The following SNAP25 variants were observed in gnomAD, a reference collection of about 807,000 sequenced individuals.
SNAP25 encodes synaptosome associated protein 25.
A neutral mutation model predicts 28.7 loss-of-function variants in SNAP25; 3 were observed. The observed-to-expected ratio is 0.10, with a 90% CI of 0.05 to 0.27. The LOEUF (loss-of-function observed/expected upper bound fraction) is 0.27, where lower values mean the gene tolerates loss of function less well. Among genes scored for constraint, SNAP25 ranks in the 10% least tolerant of loss-of-function variants. The pLI is 1.00. For missense variants in SNAP25, 117 were observed against 278.7 expected, an observed-to-expected ratio of 0.42 and a Z score of 4.13; for synonymous variants, 61 against 88.1, an observed-to-expected ratio of 0.69 and a Z score of 1.72.
chr20:10,235,360 T>C (rs1301923353), intron 1 of SNAP25, among the ~76,000 whole-genome samples: 1 of 152,256 alleles, frequency 6.6e-6, no homozygotes, highest in Non-Finnish European at 1.5e-5. Context: ...TGTTTTTTAA[T>C]TAAAGCATTA....
At chr20:10,263,609 A>G (rs565052878) in intron 1 of SNAP25, among the ~76,000 whole-genome samples, 13 of 152,246 alleles carry the variant, frequency 8.5e-5, no homozygotes, top group African/African-American at 2.9e-4. Flanking sequence ...GTATAACAAG[A>G]CTTTCTTTTA....
intron 1 of SNAP25, among the ~76,000 whole-genome samples, chr20:10,261,518 G>A (rs903419934): frequency 1.3e-5 from 2 of 152,128 alleles, no homozygotes; most frequent in African/African-American, 4.8e-5. Flanking sequence ...CCCCAGCATA[G>A]CACATATACC....
At chr20:10,262,018 C>T (rs1396246437) in intron 1 of SNAP25, among the ~76,000 whole-genome samples, 4 of 152,194 alleles carry the variant, frequency 2.6e-5, no homozygotes, top group Non-Finnish European at 5.9e-5. Flanking sequence ...AAATACCATA[C>T]AGCTCATGTG....
chr20:10,233,843 G>T (rs538490412), intron 1 of SNAP25, among the ~76,000 whole-genome samples: 1 of 152,058 alleles, frequency 6.6e-6, no homozygotes. Flanking sequence ...GTTTGCCTGC[G>T]TGTAGCTTTT....
intron 1 of SNAP25, among the ~76,000 whole-genome samples, chr20:10,274,838 G>T (rs1206159297): frequency 1.3e-5 from 2 of 151,926 alleles, no homozygotes; most frequent in Non-Finnish European, 2.9e-5. Flanking sequence ...GCGAGACTCT[G>T]TCTCAAAAAA....
intron 1 of SNAP25, among the ~76,000 whole-genome samples, chr20:10,237,900 C>G (rs1227802239): frequency 6.6e-6 from 1 of 152,136 alleles, no homozygotes; most frequent in East Asian, 1.9e-4. Context: ...ATGTCCAGCC[C>G]CCATACCACC....
At chr20:10,292,121 C>T (rs2064010856) in intron 4 of SNAP25, among the ~76,000 whole-genome samples, 1 of 152,170 alleles carries the variant, frequency 6.6e-6, no homozygotes, top group African/African-American at 2.4e-5. Flanking sequence ...ATTCTCCCTG[C>T]TCTCTGCCTG....
intron 7 of SNAP25, among the ~76,000 whole-genome samples, chr20:10,304,868 T>G (rs2064318945): frequency 6.6e-6 from 1 of 152,162 alleles, no homozygotes; most frequent in African/African-American, 2.4e-5. Flanking sequence ...ACAGAGCATT[T>G]TAAACGGATG....
At chr20:10,278,261 A>G (rs1207474985) in intron 3 of SNAP25, among the ~76,000 whole-genome samples, 2 of 152,238 alleles carry the variant, frequency 1.3e-5, no homozygotes, top group African/African-American at 4.8e-5. Context: ...GGGAAATATC[A>G]AGTCCAATAA....
intron 1 of SNAP25, among the ~76,000 whole-genome samples, chr20:10,234,731 C>T (rs963034339): frequency 6.6e-6 from 1 of 152,166 alleles, no homozygotes; most frequent in Non-Finnish European, 1.5e-5. Flanking sequence ...CACGATTAGA[C>T]ATATAAATTG....
intron 4 of SNAP25, among the ~76,000 whole-genome samples, chr20:10,292,473 A>G (rs2064019519): frequency 6.6e-6 from 1 of 152,202 alleles, no homozygotes; most frequent in Non-Finnish European, 1.5e-5. Flanking sequence ...GAGGATGCTT[A>G]AAAACCAAAA....
intron 1 of SNAP25, among the ~76,000 whole-genome samples, chr20:10,254,335 AG>A (rs1289784816): frequency 5.9e-5 from 9 of 152,206 alleles, no homozygotes; most frequent in Admixed American, 5.9e-4. Context: ...TTAAGACTCC[AG>A]AGCTCCATGG....
intron 4 of SNAP25, among the ~76,000 whole-genome samples, chr20:10,286,266 G>A (rs1172153186): frequency 6.6e-6 from 1 of 152,108 alleles, no homozygotes; most frequent in Non-Finnish European, 1.5e-5. Flanking sequence ...GGAGCAAGAA[G>A]GGACTGGAGG....
At chr20:10,281,631 C>T (rs2063779618) in intron 3 of SNAP25, among the ~76,000 whole-genome samples, 1 of 152,186 alleles carries the variant, frequency 6.6e-6, no homozygotes, top group Admixed American at 6.5e-5. Flanking sequence ...GAAGTTAAAA[C>T]CCAGGTCTAC....
intron 3 of SNAP25, among the ~76,000 whole-genome samples, chr20:10,282,411 G>A (rs760432976): frequency 6.6e-5 from 10 of 152,248 alleles, no homozygotes; most frequent in South Asian, 2.1e-4. Flanking sequence ...CCCAGTGTTC[G>A]TGACTCCCAC....
chr20:10,292,502 T>C (rs1020680457), intron 4 of SNAP25, among the ~76,000 whole-genome samples: 7 of 152,184 alleles, frequency 4.6e-5, no homozygotes, highest in Non-Finnish European at 7.3e-5. Flanking sequence ...TATTTTAAAG[T>C]TGAAGCAGAT....
At chr20:10,228,337 C>T (rs2062768342) in intron 1 of SNAP25, among the ~76,000 whole-genome samples, 1 of 152,136 alleles carries the variant, frequency 6.6e-6, no homozygotes, top group Admixed American at 6.5e-5. Context: ...TCTCTGACTG[C>T]AAAGTCCATG....
chr20:10,298,256 G>A (rs939398503), intron 6 of SNAP25, among the ~76,000 whole-genome samples: 1 of 152,274 alleles, frequency 6.6e-6, no homozygotes, highest in East Asian at 1.9e-4. Context: ...TGAACTAGAA[G>A]TATCTCTTAG....
chr20:10,252,621 T>C (rs2063250987), intron 1 of SNAP25, among the ~76,000 whole-genome samples: 1 of 152,220 alleles, frequency 6.6e-6, no homozygotes, highest in Admixed American at 6.5e-5. Context: ...GCATTCGTTG[T>C]ATGTTCTTTA....
Sources: gnomAD v4.1 joint callset for allele counts (sites outside exome capture counted in the v4.1 genomes callset) on GRCh38, gnomAD v4.1.1 for gene constraint, MANE v1.5 for transcripts, NCBI Gene and HGNC (gene_info 2026-07-23, HGNC 2026-07-21) for gene names.